The following BMPR2 variants were observed in gnomAD, a reference collection of about 807,000 sequenced individuals.
BMPR2 encodes the protein bone morphogenetic protein receptor type-2.
In BMPR2, 29 loss-of-function variants were observed where a neutral mutation model predicts 100.8. The ratio of observed to expected loss-of-function variants is 0.29; its 90% CI spans 0.21 to 0.39. BMPR2 has a LOEUF of 0.39. Among genes scored for constraint, BMPR2 ranks in the 10% least tolerant of loss-of-function variants. The pLI, the probability that BMPR2 is intolerant of heterozygous loss-of-function variation, is 1.00. For missense variants in BMPR2, 1,011 were observed against 1,274.5 expected (o/e 0.79, Z 3.15); for synonymous variants, 382 against 442.3 (o/e 0.86, Z 1.71).
rs1691828883 is a variant in BMPR2, at chr2:202,445,313, A to G, written c.77-19496A>G. On this transcript the variant is annotated intron_variant, in intron 1 of 12. Transcript: ENST00000374580. ...GTGATCACAGCTCACTGTAGCCTCA[A>G]CCTCCCAGTCTCAAGCCATCCTCCT... is the stretch of plus-strand genomic sequence containing the variant. Among the ~76,000 whole-genome samples, 3 of 148,996 alleles carry G rather than the reference A, an allele frequency of 2.0e-5. 1 individual carries two copies. The highest frequency in any genetic ancestry group is 7.7e-5 in the African/African-American group (3 of 39,002).
intron 1 of BMPR2, among the ~76,000 whole-genome samples, chr2:202,437,788 T>G (rs1691645378): frequency 6.6e-6 from 1 of 150,786 alleles, no homozygotes; most frequent in African/African-American, 2.5e-5. Flanking sequence ...TTGTAACATA[T>G]ATCCAGCACT....
chr2:202,520,368 A>C (rs750342868), intron 7 of BMPR2, 167 bp downstream of exon 7: 9 of 656,952 alleles, frequency 1.4e-5, no homozygotes, highest in Non-Finnish European at 2.4e-5. Flanking sequence ...TGTAACAGAA[A>C]GAGCTTTCCC....
intron 3 of BMPR2, among the ~76,000 whole-genome samples, chr2:202,501,963 T>A (rs1459503330): frequency 1.3e-5 from 2 of 152,214 alleles, no homozygotes; most frequent in African/African-American, 4.8e-5. Flanking sequence ...AGTTCATTTG[T>A]GGAGAATGGG....
At chr2:202,480,748 T>C (rs1043336760) in intron 3 of BMPR2, among the ~76,000 whole-genome samples, 75 of 151,606 alleles carry the variant, frequency 4.9e-4, no homozygotes, top group Non-Finnish European at 1.8e-4. Context: ...GGTCAGGAGA[T>C]CAAGACCATC....
chr2:202,387,947 G>A (rs973556942), intron 1 of BMPR2, among the ~76,000 whole-genome samples: 2 of 152,168 alleles, frequency 1.3e-5, no homozygotes, highest in Non-Finnish European at 2.9e-5. Context: ...TTCAAACAGA[G>A]TTTTATGTGG....
intron 9 of BMPR2, among the ~76,000 whole-genome samples, chr2:202,540,616 T>C (rs1329332341): frequency 6.6e-6 from 1 of 152,212 alleles, no homozygotes; most frequent in Non-Finnish European, 1.5e-5. Flanking sequence ...TTAGTTGTTT[T>C]GAGTATTCAA....
At chr2:202,547,813 G>A (rs1460965681) in intron 10 of BMPR2, among the ~76,000 whole-genome samples, 1 of 150,438 alleles carries the variant, frequency 6.6e-6, no homozygotes, top group African/African-American at 2.5e-5. Context: ...GCCAGGCACG[G>A]CAGCTCATGC....
At position 202,465,936 on chromosome 2, in the gene BMPR2, C is replaced by A. The variant is rs548882930; in HGVS notation, c.247+957C>A. On this transcript the variant is annotated intron_variant, in intron 2 of 12. Transcript: ENST00000374580. ...CTTAATTATAAGCATTTTTCCATGT[C>A]TTTAAAGAATCTCTGAAAACCTTTT... is the stretch of plus-strand genomic sequence containing the variant. Among the ~76,000 whole-genome samples the A allele has an allele frequency of 3.9e-4, 60 of 152,130 alleles. 1 individual carries two copies. The South Asian group carries it at 0.012, about 32-fold the overall frequency.
At chr2:202,551,862 ATTTTTTT>A (rs35621004) in intron 10 of BMPR2, among the ~76,000 whole-genome samples, 31 of 130,384 alleles carry the variant, frequency 2.4e-4, no homozygotes, top group African/African-American at 8.5e-4. Flanking sequence ...ATGCTGGCTA[ATTTTTTT>A]TTTTTTTTTT....
intron 1 of BMPR2, among the ~76,000 whole-genome samples, chr2:202,392,109 C>T (rs879305916): frequency 5.5e-5 from 8 of 145,294 alleles, no homozygotes; most frequent in South Asian, 2.2e-4. Context: ...TCGCTCTCGT[C>T]CCCCAGGCTT....
intron 1 of BMPR2, among the ~76,000 whole-genome samples, chr2:202,439,942 C>T (rs1691698511): frequency 6.7e-6 from 1 of 150,122 alleles, no homozygotes; most frequent in African/African-American, 2.5e-5. Context: ...TTAGGGAGTT[C>T]AAGCATCTGT....
intron 3 of BMPR2, among the ~76,000 whole-genome samples, chr2:202,486,367 G>A (rs569204773): frequency 2.6e-5 from 4 of 152,200 alleles, no homozygotes; most frequent in African/African-American, 9.6e-5. Flanking sequence ...GGTGGCTCAC[G>A]CTTGTAATCC....
At chr2:202,393,884 AGAGAGAGAGAGAGAGAG>A (rs1690603791) in intron 1 of BMPR2, among the ~76,000 whole-genome samples, 1 of 27,442 alleles carries the variant, frequency 3.6e-5, no homozygotes, top group African/African-American at 1.8e-4. Flanking sequence ...TGAGAGAGCG[AGAGAGAGAGAGAGAGAG>A]AGAGAGAGAG....
intron 1 of BMPR2, among the ~76,000 whole-genome samples, chr2:202,388,322 G>A (rs1258403176): frequency 2.0e-5 from 3 of 149,748 alleles, no homozygotes; most frequent in African/African-American, 4.9e-5. Context: ...GCTTGAACCC[G>A]GGAGATGGAG....
At chr2:202,437,937 A>T (rs12693969) in intron 1 of BMPR2, among the ~76,000 whole-genome samples, 4 of 149,752 alleles carry the variant, frequency 2.7e-5, no homozygotes, top group African/African-American at 7.6e-5. Context: ...TAACGTACAA[A>T]TTTTTTTTTG....
rs774630249 is a variant in BMPR2, at chr2:202,555,492, C to T, written c.1827C>T (p.Ser609=). Residue 609 remains serine, a synonymous_variant, in exon 12 of 13, where the codon TCC becomes TCT. Coordinates refer to ENST00000374580, the MANE Select transcript of BMPR2 (RefSeq NM_001204.7). ...PSPETSVTSL[S]TNTTTTNTTG... ...CTGAAACAAGTGTCACCAGCCTCTC[C>T]ACCAACACAACAACCACAAACACCA... 1 of 1,614,048 alleles carries T rather than the reference C, an allele frequency of 6.2e-7. No individual in the cohort carries two copies. The highest frequency in any genetic ancestry group is 1.1e-5 in the South Asian group (1 of 91,056).
intron 10 of BMPR2, among the ~76,000 whole-genome samples, chr2:202,548,374 C>G (rs1436898208): frequency 6.6e-6 from 1 of 151,896 alleles, no homozygotes; most frequent in African/African-American, 2.4e-5. Context: ...ATCGCTTGAG[C>G]CTAGGAATGT....
chr2:202,434,172 A>G lies in BMPR2; in HGVS notation c.77-30637A>G, dbSNP rs962952689. ...GCACCCAAATCAGCTATAGACGAGC[A>G]GTGCTTTCAATGGAATTTTTAAACA... On this transcript the variant is annotated intron_variant, in intron 1 of 12. Coordinates refer to ENST00000374580, the MANE Select transcript of BMPR2 (RefSeq NM_001204.7). Among the ~76,000 whole-genome samples the G allele has an allele frequency of 1.3e-4, 19 of 150,644 alleles. 2 individuals are homozygous for G. Among genetic ancestry groups the G allele is most frequent in the African/African-American group, 4.8e-4 (19 of 39,952 alleles).
chr2:202,509,902 T>A (rs1687589094), intron 3 of BMPR2, among the ~76,000 whole-genome samples: 2 of 152,118 alleles, frequency 1.3e-5, no homozygotes, highest in African/African-American at 4.8e-5. Context: ...CTTAACTCAT[T>A]TCCAGAGACA....
Sources: allele counts gnomAD v4.1 joint callset (sites outside exome capture counted in the v4.1 genomes callset), GRCh38; gene constraint gnomAD v4.1.1; transcripts MANE v1.5; gene names NCBI Gene and HGNC (gene_info 2026-07-23, HGNC 2026-07-21).